Variants in TXNRD1 observed in about 807,000 individuals in gnomAD.
TXNRD1 encodes thioredoxin reductase 1, also known as thioredoxin reductase 1, cytoplasmic.
In TXNRD1, 57 loss-of-function variants were observed where a neutral mutation model predicts 80.3. The ratio of observed to expected loss-of-function variants is 0.71; its 90% confidence interval spans 0.57 to 0.89. TXNRD1 has a LOEUF of 0.89. Ranked by LOEUF, TXNRD1 falls within the 40% of genes least tolerant of loss-of-function variation. The probability of loss-of-function intolerance (pLI) is 0.00; values close to 1 mark genes in which losing one functional copy is unlikely to be tolerated. For missense variants in TXNRD1, 730 were observed against 803.0 expected (o/e 0.91, Z 1.10); for synonymous variants, 291 against 285.2 (o/e 1.02, Z -0.20).
intron 4 of TXNRD1, chr12:104,305,125 CAA>C (rs1408499105): frequency 1.3e-5 from 7 of 553,920 alleles, no homozygotes; most frequent in Non-Finnish European, 2.1e-5. Flanking sequence ...GTTATTAAAA[CAA>C]ATTCACTGGC....
intron 10 of TXNRD1, 104 bp from the exon 11 acceptor site, chr12:104,325,233 C>G: frequency 1.2e-6 from 1 of 838,568 alleles, no homozygotes; most frequent in Non-Finnish European, 2.0e-6. Context: ...TTTTCAAGCA[C>G]GATTTTATAT....
chr12:104,308,038 C>T (rs910647331), intron 4 of TXNRD1, among the ~76,000 whole-genome samples: 37 of 151,492 alleles, frequency 2.4e-4, no homozygotes, highest in Non-Finnish European at 8.8e-5. Flanking sequence ...CTCTGTAGCC[C>T]AGGCTGGAGT....
chr12:104,292,831 G>A lies in TXNRD1; in HGVS notation c.414+3791G>A, dbSNP rs369715699. Among the ~76,000 whole-genome samples, 5 of 152,080 alleles carry A rather than the reference G, an allele frequency of 3.3e-5. No homozygotes were observed. In the South Asian group the frequency reaches 6.2e-4, roughly 19 times the overall value. On this transcript the variant is annotated intron_variant, in intron 4 of 16. Coordinates refer to ENST00000525566, the MANE Select transcript of TXNRD1 (RefSeq NM_001093771.3). ...CATTTGATGAGATAATTAGAATTGC[G>A]GAAAACAAAGGACTAGTCTTTAATA... is the stretch of plus-strand genomic sequence containing the variant.
chr12:104,331,663 T>C (rs755045535), intron 14 of TXNRD1, 22 bp downstream of exon 14: 1 of 1,484,208 alleles, frequency 6.7e-7, no homozygotes, highest in Non-Finnish European at 9.3e-7. Context: ...TCCTCTTTTC[T>C]CCTATGTTAT....
intron 3 of TXNRD1, among the ~76,000 whole-genome samples, chr12:104,266,053 A>T (rs1445289007): frequency 2.0e-5 from 3 of 151,520 alleles, no homozygotes; most frequent in Non-Finnish European, 4.4e-5. Context: ...AATTTGTATC[A>T]CTTTGATTAT....
chr12:104,292,498 G>A (rs950110502), intron 4 of TXNRD1, among the ~76,000 whole-genome samples: 1 of 151,536 alleles, frequency 6.6e-6, no homozygotes, highest in African/African-American at 2.4e-5. Context: ...AAGTGGTGTG[G>A]TTCTCCTGCC....
At chr12:104,287,445 T>TA in intron 3 of TXNRD1, 2 of 1,612,984 alleles carry the variant, frequency 1.2e-6, no homozygotes, top group African/African-American at 2.7e-5. Context: ...TTGTATCGTT[T>TA]CTTACAGAGT....
intron 4 of TXNRD1, among the ~76,000 whole-genome samples, chr12:104,307,068 C>G (rs187477670): frequency 6.6e-6 from 1 of 152,092 alleles, no homozygotes; most frequent in Non-Finnish European, 1.5e-5. Context: ...TTGACCACTT[C>G]TGTTTCTATT....
chr12:104,345,793 TCC>T (rs1184790658), intron 16 of TXNRD1, among the ~76,000 whole-genome samples: 1 of 152,148 alleles, frequency 6.6e-6, no homozygotes, highest in Non-Finnish European at 1.5e-5. Flanking sequence ...GTCAATATAA[TCC>T]CACTCTAAAG....
chr12:104,223,561 G>A (rs2032401181), intron 1 of TXNRD1, among the ~76,000 whole-genome samples: 1 of 152,224 alleles, frequency 6.6e-6, no homozygotes. Flanking sequence ...GGGAGACCAA[G>A]GAGCATGGTT....
chr12:104,285,306 AGGGTAAG>A (rs1399864844), intron 3 of TXNRD1, among the ~76,000 whole-genome samples: 2 of 152,226 alleles, frequency 1.3e-5, no homozygotes, highest in Admixed American at 6.5e-5. Flanking sequence ...ATTCACGACA[AGGGTAAG>A]GCATCTGGGC....
At chr12:104,231,258 A>G (rs900391322) in intron 1 of TXNRD1, among the ~76,000 whole-genome samples, 5 of 152,054 alleles carry the variant, frequency 3.3e-5, no homozygotes, top group Admixed American at 1.3e-4. Flanking sequence ...GGCAACAACT[A>G]TTTCTGGCTA....
rs113248380 is a variant in TXNRD1, at chr12:104,297,470, A to G, written c.414+8430A>G. 9.8e-3 allele frequency among the ~76,000 whole-genome samples: 1,487 copies of G among 151,868 alleles called. 25 individuals carry two copies. The highest frequency in any genetic ancestry group is 0.03 in the African/African-American group (1,259 of 41,418). On this transcript the variant is annotated intron_variant, in intron 4 of 16. Coordinates refer to ENST00000525566, the MANE Select transcript of TXNRD1 (RefSeq NM_001093771.3). The stretch of plus-strand genomic sequence containing the variant: ...AATCTCCGCCTCCTGAGTTCAAGCA[A>G]TTCTCCTGCCTCAGTCTCCCGAGTA...
In TXNRD1 at chr12:104,248,578, C is replaced by G. The variant is rs986067625; in HGVS notation, c.92-2949C>G. On this transcript the variant is annotated intron_variant, in intron 1 of 16. Transcript: ENST00000525566. ...GAATTACGGGCGGGTGTGAGCCACG[C>G]GCCTGGCCACACACACAAATATGCA... Among the ~76,000 whole-genome samples the G allele has an allele frequency of 7.9e-5, 12 of 152,300 alleles. No individual in the cohort carries two copies. The East Asian group carries it at 9.6e-4, about 12-fold the overall frequency.
chr12:104,254,644 A>AAAAAAAAAAAAAATATAT, intron 2 of TXNRD1, among the ~76,000 whole-genome samples: 27 of 93,630 alleles, frequency 2.9e-4, no homozygotes, highest in Non-Finnish European at 4.4e-4. Flanking sequence ...AAAAAAAAAA[A>AAAAAAAAAAAAAATATAT]ATATATATAT....
chr12:104,287,494 C>T, intron 3 of TXNRD1: 1 of 1,605,846 alleles, frequency 6.2e-7, no homozygotes, highest in Non-Finnish European at 8.5e-7. Context: ...GTTGAGTGGA[C>T]TGACAGATCC....
chr12:104,228,152 A>C (rs978401940), intron 1 of TXNRD1, among the ~76,000 whole-genome samples: 50 of 152,158 alleles, frequency 3.3e-4, no homozygotes, highest in South Asian at 4.2e-4. Context: ...AAAATATAAA[A>C]TTAGCTGGGT....
rs1204270618 is a variant in TXNRD1, at chr12:104,319,445, G to T, written c.874-25G>T. The T allele has an allele frequency of 6.3e-6, 9 of 1,432,036 alleles. No individual in the cohort carries two copies. The South Asian group carries it at 1.1e-4, about 18-fold the overall frequency. 88.7% of individuals were successfully genotyped at this position (1,432,036 alleles called of 1,614,324 possible). On this transcript the variant is annotated intron_variant, in intron 8 of 16. Coordinates refer to ENST00000525566, the MANE Select transcript of TXNRD1 (RefSeq NM_001093771.3). The stretch of plus-strand genomic sequence containing the variant: ...ATTCTGAGGAATGATTACTTAATAA[G>T]GTTTTCATATTGGTTCCTTTGTAGG...
intron 1 of TXNRD1, among the ~76,000 whole-genome samples, chr12:104,232,560 GA>G (rs940597059): frequency 8.1e-4 from 119 of 147,414 alleles, no homozygotes; most frequent in African/African-American, 2.4e-3. Context: ...GACACCACCT[GA>G]AAAAAAAAAG....
Sources: allele counts gnomAD v4.1 joint callset (sites outside exome capture counted in the v4.1 genomes callset), GRCh38; gene constraint gnomAD v4.1.1; transcripts MANE v1.5; gene names NCBI Gene and HGNC (gene_info 2026-07-23, HGNC 2026-07-21).